The following TENM2 variants were observed in gnomAD, a reference collection of about 807,000 sequenced individuals.
TENM2 encodes the protein teneurin-2.
TENM2 carries 52 observed loss-of-function variants against 245.2 expected under a neutral mutation model. The ratio of observed to expected loss-of-function variants is 0.21; its 90% CI spans 0.17 to 0.27. TENM2 has a LOEUF of 0.27. TENM2 is among the 10% of genes least tolerant of loss of function. The pLI, the probability that TENM2 is intolerant of heterozygous loss-of-function variation, is 1.00. For synonymous variants in TENM2, 1,363 were observed against 1,438.9 expected, an observed-to-expected ratio of 0.95 and a Z score of 1.19; for missense variants, 3,046 against 3,666.8, an observed-to-expected ratio of 0.83 and a Z score of 4.37.
chr5:167,098,738 A>C, the TENM2 span, among the ~76,000 whole-genome samples: 1 of 152,204 alleles, frequency 6.6e-6, no homozygotes, highest in African/African-American at 2.4e-5. Flanking sequence ...AGTTCCCGTG[A>C]CTGGGGAGGT....
At chr5:167,254,645 C>G in the TENM2 span, among the ~76,000 whole-genome samples, 1 of 152,098 alleles carries the variant, frequency 6.6e-6, no homozygotes, top group Non-Finnish European at 1.5e-5. Context: ...CAAGAAAAAA[C>G]TATAAATGAG....
chr5:167,421,377 G>T (rs1169127865), intron 2 of TENM2, among the ~76,000 whole-genome samples: 1 of 152,168 alleles, frequency 6.6e-6, no homozygotes, highest in Non-Finnish European at 1.5e-5. Flanking sequence ...CTTGTCCTCA[G>T]TCAACAGCTA....
At chr5:168,004,013 G>T (rs1406338505) in intron 5 of TENM2, among the ~76,000 whole-genome samples, 1 of 152,206 alleles carries the variant, frequency 6.6e-6, no homozygotes, top group Non-Finnish European at 1.5e-5. Context: ...AATGATGTAA[G>T]AGATGGAAAG....
At chr5:167,698,680 T>G (rs1394826928) in intron 2 of TENM2, among the ~76,000 whole-genome samples, 2 of 88,532 alleles carry the variant, frequency 2.3e-5, no homozygotes, top group South Asian at 3.4e-4. Flanking sequence ...TTGTTTTTTG[T>G]TTTTTTTTTT....
chr5:167,913,624 TAGAC>T (rs1352992533), intron 3 of TENM2, among the ~76,000 whole-genome samples: 1 of 152,204 alleles, frequency 6.6e-6, no homozygotes, highest in Admixed American at 6.5e-5. Flanking sequence ...GAAACCGAGA[TAGAC>T]AGCAACTTGC....
intron 3 of TENM2, among the ~76,000 whole-genome samples, chr5:167,927,970 T>C (rs149927710): frequency 2.0e-5 from 3 of 152,340 alleles, no homozygotes; most frequent in Non-Finnish European, 2.9e-5. Flanking sequence ...AATGCTTTTT[T>C]GAAATTATTT....
chr5:168,224,093 G>A lies in TENM2; in HGVS notation c.5109-1995G>A, dbSNP rs572889345. ...GTTATTTAATGAATCTCCCATCAAG[G>A]AACATCTAGGTTGTTCTAATTTGTC... On this transcript the variant is annotated intron_variant, in intron 23 of 28. Transcript: ENST00000518659. Among the ~76,000 whole-genome samples, 5 of 152,292 alleles carry A rather than the reference G, an allele frequency of 3.3e-5. No homozygotes were observed. In the East Asian group the frequency reaches 5.8e-4, roughly 18 times the overall value.
At chr5:167,146,697 G>T in the TENM2 span, among the ~76,000 whole-genome samples, 1 of 152,168 alleles carries the variant, frequency 6.6e-6, no homozygotes, top group African/African-American at 2.4e-5. Flanking sequence ...TTCCGGGGAA[G>T]TAACTCCTTT....
chr5:168,060,829 C>G (rs1006737877), intron 6 of TENM2, among the ~76,000 whole-genome samples: 2 of 152,142 alleles, frequency 1.3e-5, no homozygotes, highest in African/African-American at 4.8e-5. Flanking sequence ...AAACTGGGAC[C>G]AAGAGACAGT....
At chr5:167,810,080 T>C (rs1356042211) in intron 2 of TENM2, among the ~76,000 whole-genome samples, 1 of 152,120 alleles carries the variant, frequency 6.6e-6, no homozygotes, top group Non-Finnish European at 1.5e-5. Context: ...GCCTCTGCAG[T>C]GAGTAGACTT....
chr5:167,137,283 C>A, the TENM2 span, among the ~76,000 whole-genome samples: 2 of 152,158 alleles, frequency 1.3e-5, no homozygotes, highest in Non-Finnish European at 2.9e-5. Flanking sequence ...TCTTAACTAA[C>A]CTTATCTCTT....
exon 22 of TENM2, chr5:168,216,918 C>T (rs1298838731): frequency 2.5e-6 from 4 of 1,613,792 alleles, no homozygotes; most frequent in Non-Finnish European, 3.4e-6. Flanking sequence ...ATGGATGTAG[C>T]CCAGGTGAGA....
At chr5:167,408,839 A>AAT (rs1256927689) in intron 2 of TENM2, among the ~76,000 whole-genome samples, 1 of 150,062 alleles carries the variant, frequency 6.7e-6, no homozygotes, top group Non-Finnish European at 1.5e-5. Flanking sequence ...ATATATGTCT[A>AAT]ATATATATAT....
At chr5:167,901,585 A>T (rs1775707694) in intron 3 of TENM2, among the ~76,000 whole-genome samples, 2 of 152,060 alleles carry the variant, frequency 1.3e-5, no homozygotes, top group Non-Finnish European at 1.5e-5. Context: ...ATAACATCTC[A>T]TAACATTATT....
intron 2 of TENM2, among the ~76,000 whole-genome samples, chr5:167,733,971 C>A (rs1760620191): frequency 6.6e-6 from 1 of 152,196 alleles, no homozygotes; most frequent in Non-Finnish European, 1.5e-5. Flanking sequence ...ACGTCTCATA[C>A]GTACTAAGGA....
chr5:167,621,314 T>C (rs536083176), intron 2 of TENM2, among the ~76,000 whole-genome samples: 35 of 152,266 alleles, frequency 2.3e-4, no homozygotes, highest in Non-Finnish European at 4.3e-4. Flanking sequence ...TTACTTCAGA[T>C]AGAGTTGTCA....
At chr5:167,607,346 A>G (rs569285718) in intron 2 of TENM2, among the ~76,000 whole-genome samples, 1 of 152,324 alleles carries the variant, frequency 6.6e-6, no homozygotes, top group African/African-American at 2.4e-5. Flanking sequence ...GTTCTCCCAG[A>G]GAATCCAAAA....
At chr5:167,295,704 G>A (rs1754909619) in intron 1 of TENM2, among the ~76,000 whole-genome samples, 1 of 152,118 alleles carries the variant, frequency 6.6e-6, no homozygotes, top group Non-Finnish European at 1.5e-5. Flanking sequence ...TGAAGAGGAA[G>A]GGGCTAGCGT....
rs1561883393 is a variant in TENM2 at position 167,350,628 on chromosome 5, T to TATGTATATATGGGATACATATATGG, written c.227-24568_227-24567insGTATATATGGGATACATATATGGAT. Reference sequence around the variant, plus strand: ...TATATATATGGGATACATATGTGGATATATATATATGGGATACGTATATGG... The same window carrying TATGTATATATGGGATACATATATGG: ...TATATATATGGGATACATATGTGGATATGTATATATGGGATACATATATGGATATATATATGGGATACGTATATGG... On this transcript the variant is annotated intron_variant, in intron 1 of 28. Transcript: ENST00000518659. 2.2e-4 allele frequency among the ~76,000 whole-genome samples: 13 copies of TATGTATATATGGGATACATATATGG among 60,430 alleles called. No homozygotes were observed. In the South Asian group the frequency reaches 2.7e-3, roughly 13 times the overall value. 39.6% of individuals were successfully genotyped at this position (60,430 alleles called of 152,430 possible).
Sources: allele counts gnomAD v4.1 joint callset (sites outside exome capture counted in the v4.1 genomes callset), GRCh38; gene constraint gnomAD v4.1.1; transcripts MANE v1.5; gene names NCBI Gene and HGNC (gene_info 2026-07-23, HGNC 2026-07-21).